CYP19A1: variants seen among roughly 807,000 people sequenced by gnomAD.
CYP19A1 encodes cytochrome P450 family 19 subfamily A member 1.
Under a neutral mutation model 44.4 loss-of-function variants are expected in CYP19A1, and 32 were observed. That is an observed-to-expected ratio of 0.72 (90% CI 0.54 to 0.97). The LOEUF is 0.97. Among genes scored for constraint, CYP19A1 ranks in the 50% least tolerant of loss-of-function variants. The pLI is 0.00. For missense variants in CYP19A1, 598 were observed against 637.8 expected (o/e 0.94, Z 0.67); for synonymous variants, 212 against 215.6 (o/e 0.98, Z 0.14).
chr15:51,287,492 G>C (rs1841423571), intron 1 of CYP19A1, among the ~76,000 whole-genome samples: 1 of 152,194 alleles, frequency 6.6e-6, no homozygotes, highest in South Asian at 2.1e-4. Context: ...TTCTGAAGCT[G>C]TGTGGGCCTC....
intron 1 of CYP19A1, among the ~76,000 whole-genome samples, chr15:51,334,360 C>G (rs2036745771): frequency 6.6e-6 from 1 of 152,180 alleles, no homozygotes; most frequent in Non-Finnish European, 1.5e-5. Context: ...GCTTATAAAA[C>G]CTGCCCTGCC....
chr15:51,286,326 G>A (rs1566912353), intron 1 of CYP19A1, among the ~76,000 whole-genome samples: 1 of 152,108 alleles, frequency 6.6e-6, no homozygotes, highest in South Asian at 2.1e-4. Context: ...ACACATCATA[G>A]CTCAAATCTG....
At chr15:51,224,187 T>C (rs948617139) in intron 4 of CYP19A1, among the ~76,000 whole-genome samples, 1 of 152,102 alleles carries the variant, frequency 6.6e-6, no homozygotes. Flanking sequence ...GATGGGTCAT[T>C]GCCTAAGTTG....
chr15:51,267,822 G>A (rs892079674), intron 1 of CYP19A1, among the ~76,000 whole-genome samples: 3 of 152,182 alleles, frequency 2.0e-5, no homozygotes, highest in African/African-American at 7.2e-5. Flanking sequence ...CAGCCCTGCC[G>A]GCTCCCCATG....
At chr15:51,226,399 A>T (rs968105386) in intron 4 of CYP19A1, among the ~76,000 whole-genome samples, 1 of 152,214 alleles carries the variant, frequency 6.6e-6, no homozygotes, top group Non-Finnish European at 1.5e-5. Context: ...ACTGTGAGAT[A>T]AATGTGTTCT....
At chr15:51,246,700 G>T (rs2034072519) in intron 1 of CYP19A1, among the ~76,000 whole-genome samples, 1 of 152,132 alleles carries the variant, frequency 6.6e-6, no homozygotes, top group South Asian at 2.1e-4. Context: ...CCTAACCCTA[G>T]CCTGCCACAG....
chr15:51,297,868 A>ACACACACACACACACACACC (rs1173662173), intron 1 of CYP19A1, among the ~76,000 whole-genome samples: 7 of 146,676 alleles, frequency 4.8e-5, no homozygotes, highest in African/African-American at 2.5e-5. Flanking sequence ...ACACACACAC[A>ACACACACACACACACACACC]CCCTAGGCCT....
intron 1 of CYP19A1, chr15:51,243,211 C>T (rs759650800): frequency 1.0e-5 from 4 of 390,412 alleles, no homozygotes; most frequent in African/African-American, 2.0e-5. Context: ...ACCTTATCAT[C>T]TTGCCCTTGA....
intron 1 of CYP19A1, among the ~76,000 whole-genome samples, chr15:51,272,855 A>C (rs2035177776): frequency 1.3e-5 from 2 of 152,206 alleles, no homozygotes; most frequent in Admixed American, 1.3e-4. Context: ...TGAGATAGAC[A>C]GATATGCAGA....
rs916256444 is a variant in CYP19A1 at position 51,242,872 on chromosome 15, G to A, written c.41C>T (p.Thr14Ile). The A allele has an allele frequency of 3.7e-6, 6 of 1,607,976 alleles. No individual in the cohort carries two copies. In the South Asian group the frequency reaches 6.6e-5, roughly 18 times the overall value. The change falls in exon 2 of 10, where the codon ACC becomes ATC. Residue 14 changes from threonine to isoleucine, a missense_variant. Coordinates refer to ENST00000396402, the MANE Select transcript of CYP19A1 (RefSeq NM_000103.4). ...AGGCATGGCTTCAGGCACGATGCTG[G>A]TGATGTTATAATGTATCGGGTTCAG... Reference protein sequence around the residue: ...EMLNPIHYNITSIVPEAMPAA... With the variant: ...EMLNPIHYNIISIVPEAMPAA...
At chr15:51,303,310 G>A (rs141903637) in intron 1 of CYP19A1, among the ~76,000 whole-genome samples, 48 of 152,172 alleles carry the variant, frequency 3.2e-4, no homozygotes, top group African/African-American at 1.2e-3. Flanking sequence ...GAGAGAGCTA[G>A]TTCTTGACAC....
rs28757147 is a variant in CYP19A1, at chr15:51,260,109, C to T, written c.-38-17159G>A. On this transcript the variant is annotated intron_variant, in intron 1 of 9. Coordinates refer to ENST00000396402, the MANE Select transcript of CYP19A1 (RefSeq NM_000103.4). ...GGGCAACAGGAATCAGCAACTGTCTCCCAGTGAGGCAATCTTTCTTGTCTG... is the reference window on the plus strand; with the variant it reads ...GGGCAACAGGAATCAGCAACTGTCTTCCAGTGAGGCAATCTTTCTTGTCTG... 3.7e-3 allele frequency among the ~76,000 whole-genome samples: 571 copies of T among 152,316 alleles called. 4 individuals are homozygous for T. The highest frequency in any genetic ancestry group is 0.013 in the African/African-American group (554 of 41,568).
At chr15:51,252,596 T>C (rs748891439) in intron 1 of CYP19A1, among the ~76,000 whole-genome samples, 11 of 152,168 alleles carry the variant, frequency 7.2e-5, no homozygotes, top group Admixed American at 1.3e-4. Context: ...TACCCTGATA[T>C]CCCATCTGTG....
At chr15:51,297,213 C>T (rs1770714850) in intron 1 of CYP19A1, among the ~76,000 whole-genome samples, 1 of 152,176 alleles carries the variant, frequency 6.6e-6, no homozygotes, top group South Asian at 2.1e-4. Flanking sequence ...CAGATTTACT[C>T]AAAGCCATGC....
chr15:51,252,858 G>A (rs951417141), intron 1 of CYP19A1, among the ~76,000 whole-genome samples: 1 of 152,232 alleles, frequency 6.6e-6, no homozygotes, highest in African/African-American at 2.4e-5. Context: ...ATCTGGGGAA[G>A]ACAGATTGCA....
At chr15:51,294,655 C>T (rs1285728080) in intron 1 of CYP19A1, among the ~76,000 whole-genome samples, 1 of 136,296 alleles carries the variant, frequency 7.3e-6, no homozygotes, top group Non-Finnish European at 1.6e-5. Flanking sequence ...CCCGCCCGGC[C>T]AGCCGCCCCG....
intron 1 of CYP19A1, among the ~76,000 whole-genome samples, chr15:51,275,908 T>C (rs1419078324): frequency 6.6e-6 from 1 of 152,186 alleles, no homozygotes; most frequent in Non-Finnish European, 1.5e-5. Context: ...GCCTGCTAGC[T>C]GCTGTGTCCC....
chr15:51,296,105 AT>A (rs1036430576), intron 1 of CYP19A1, among the ~76,000 whole-genome samples: 1 of 151,830 alleles, frequency 6.6e-6, no homozygotes, highest in African/African-American at 2.4e-5. Flanking sequence ...AAAAGATTGC[AT>A]CTTTCTAGAG....
chr15:51,223,979 TAAC>T lies in CYP19A1; in HGVS notation c.452-1457_452-1455del, dbSNP rs544922836. On this transcript the variant is annotated intron_variant, in intron 4 of 9. Coordinates refer to ENST00000396402, the MANE Select transcript of CYP19A1 (RefSeq NM_000103.4). ...GCCAAATTTATGGGCAAAAATGTAA[TAAC>T]ATGGCTTATAGGCAGTGGTATGATG... 1.3e-3 allele frequency among the ~76,000 whole-genome samples: 193 copies of T among 152,294 alleles called. 1 individual carries two copies. Among genetic ancestry groups the T allele is most frequent in the African/African-American group, 4.5e-3 (186 of 41,574 alleles).
Sources: allele counts gnomAD v4.1 joint callset (sites outside exome capture counted in the v4.1 genomes callset), GRCh38; gene constraint gnomAD v4.1.1; transcripts MANE v1.5; gene names NCBI Gene and HGNC (gene_info 2026-07-23, HGNC 2026-07-21).